Variants in PSMD14 observed in about 807,000 individuals in gnomAD.
The protein encoded by PSMD14 is ubiquitin C-terminal hydrolase PSMD14.
In PSMD14, 7 loss-of-function variants were observed where a neutral mutation model predicts 41.2. The observed-to-expected ratio is 0.17, with a 90% CI of 0.10 to 0.32. The LOEUF is 0.32. Among genes scored for constraint, PSMD14 ranks in the 10% least tolerant of loss-of-function variants. PSMD14 has a pLI of 1.00. For missense variants in PSMD14, 139 were observed against 375.6 expected (o/e 0.37, Z 5.21); for synonymous variants, 114 against 122.3 (o/e 0.93, Z 0.45).
intron 1 of PSMD14, among the ~76,000 whole-genome samples, chr2:161,310,208 A>G (rs777382894): frequency 6.6e-6 from 1 of 152,200 alleles, no homozygotes; most frequent in Non-Finnish European, 1.5e-5. Context: ...TCTTATTTTC[A>G]TACTGGCCAT....
chr2:161,371,413 C>A, intron 7 of PSMD14, 91 bp downstream of exon 7: 1 of 1,296,028 alleles, frequency 7.7e-7, no homozygotes, highest in South Asian at 1.7e-5. Context: ...AAGCAGGATT[C>A]TTAATTACAC....
intron 7 of PSMD14, among the ~76,000 whole-genome samples, chr2:161,378,712 A>G (rs1237882515): frequency 6.6e-6 from 1 of 151,964 alleles, no homozygotes; most frequent in Non-Finnish European, 1.5e-5. Context: ...GGCATGCTGT[A>G]TAGGTACAGA....
At chr2:161,327,674 G>A (rs1432526619) in intron 3 of PSMD14, among the ~76,000 whole-genome samples, 3 of 151,962 alleles carry the variant, frequency 2.0e-5, no homozygotes, top group African/African-American at 4.8e-5. Flanking sequence ...TATAAGACAA[G>A]CAAAGATGAA....
rs368998914 is a variant in PSMD14, at chr2:161,358,828, C to G, written c.49-8650C>G. Among the ~76,000 whole-genome samples, 66 of 152,264 alleles carry G rather than the reference C, an allele frequency of 4.3e-4. 3 individuals are homozygous for G. The South Asian group carries it at 5.6e-3, about 13-fold the overall frequency. ...TGGTGGCATGTACCTGTAATCCCAG[C>G]TACTTGGGAGGCTGAGGCAAGAGAG... is the stretch of plus-strand genomic sequence containing the variant. On this transcript the variant is annotated intron_variant, in intron 3 of 11. Transcript: ENST00000409682.
At chr2:161,385,429 T>A (rs763007396) in intron 7 of PSMD14, 35 bp from the exon 8 acceptor site, 9 of 1,371,176 alleles carry the variant, frequency 6.6e-6, no homozygotes, top group Admixed American at 1.8e-5. Flanking sequence ...ACTTGCTTTT[T>A]AAAAAAAAAT....
At chr2:161,331,282 A>C (rs937261934) in intron 3 of PSMD14, among the ~76,000 whole-genome samples, 4 of 150,188 alleles carry the variant, frequency 2.7e-5, no homozygotes, top group African/African-American at 9.8e-5. Context: ...TTTATTTTTA[A>C]GACGGAGTCT....
At chr2:161,398,395 G>A (rs1398908701) in intron 10 of PSMD14, among the ~76,000 whole-genome samples, 1 of 151,958 alleles carries the variant, frequency 6.6e-6, no homozygotes, top group Non-Finnish European at 1.5e-5. Flanking sequence ...TACGTCCCAA[G>A]TTTTCAGTTT....
intron 7 of PSMD14, among the ~76,000 whole-genome samples, chr2:161,378,990 GT>G (rs1683539247): frequency 6.6e-6 from 1 of 151,946 alleles, no homozygotes; most frequent in South Asian, 2.1e-4. Flanking sequence ...GATATACTTT[GT>G]ATTTTTGTTT....
intron 3 of PSMD14, among the ~76,000 whole-genome samples, chr2:161,359,438 T>A (rs559306995): frequency 6.6e-6 from 1 of 152,354 alleles, no homozygotes; most frequent in South Asian, 2.1e-4. Context: ...AAGTCTCAAA[T>A]GCTTTGTGTA....
At position 161,391,630 on chromosome 2, in the gene PSMD14, C is replaced by T. The variant is rs570696000; in HGVS notation, c.645+452C>T. The stretch of plus-strand genomic sequence containing the variant: ...AAGAGATAGTAGGGTCTTGCTCTGT[C>T]TCCCAGACTAGAGTGCAATGGTGTG... On this transcript the variant is annotated intron_variant, in intron 9 of 11. Coordinates refer to ENST00000409682, the MANE Select transcript of PSMD14 (RefSeq NM_005805.6). Among the ~76,000 whole-genome samples, 178 of 152,212 alleles carry T rather than the reference C, an allele frequency of 1.2e-3. 1 individual carries two copies. Among genetic ancestry groups the T allele is most frequent in the South Asian group, 0.012 (56 of 4,824 alleles).
At chr2:161,336,608 C>T (rs927176167) in intron 3 of PSMD14, among the ~76,000 whole-genome samples, 41 of 152,244 alleles carry the variant, frequency 2.7e-4, no homozygotes, top group Non-Finnish European at 2.1e-4. Flanking sequence ...CGGAATCTTG[C>T]TCTGTTGCCC....
At chr2:161,403,320 T>A (rs770919923) in intron 10 of PSMD14, among the ~76,000 whole-genome samples, 2 of 152,098 alleles carry the variant, frequency 1.3e-5, no homozygotes, top group Non-Finnish European at 2.9e-5. Flanking sequence ...ATTCAATTTA[T>A]ATGAAAAAAA....
intron 3 of PSMD14, among the ~76,000 whole-genome samples, chr2:161,347,940 T>G (rs999777445): frequency 2.0e-5 from 3 of 152,240 alleles, no homozygotes; most frequent in Admixed American, 6.5e-5. Flanking sequence ...TGGGAAAGTT[T>G]TATCTAACAT....
At chr2:161,309,956 C>T (rs1481642639) in intron 1 of PSMD14, among the ~76,000 whole-genome samples, 7 of 151,852 alleles carry the variant, frequency 4.6e-5, no homozygotes, top group Non-Finnish European at 1.0e-4. Flanking sequence ...CCAGCCTGGC[C>T]AAGACTAGCC....
intron 2 of PSMD14, among the ~76,000 whole-genome samples, chr2:161,317,990 A>G: frequency 6.6e-6 from 1 of 152,200 alleles, no homozygotes; most frequent in East Asian, 1.9e-4. Context: ...CCATATAAGT[A>G]CACTTGATAT....
intron 10 of PSMD14, among the ~76,000 whole-genome samples, chr2:161,402,597 T>C (rs1683895108): frequency 6.6e-6 from 1 of 151,810 alleles, no homozygotes; most frequent in Non-Finnish European, 1.5e-5. Context: ...ACCGTGATCA[T>C]ACCACTGTAC....
chr2:161,321,444 T>G (rs1682596685), intron 3 of PSMD14, among the ~76,000 whole-genome samples: 1 of 152,202 alleles, frequency 6.6e-6, no homozygotes, highest in Non-Finnish European at 1.5e-5. Context: ...TTTTTTTATA[T>G]CAGTGTCCAA....
intron 3 of PSMD14, among the ~76,000 whole-genome samples, chr2:161,356,706 C>G (rs1683204003): frequency 6.7e-6 from 1 of 149,702 alleles, no homozygotes; most frequent in Admixed American, 6.6e-5. Context: ...TAAATATGCA[C>G]TTTTAAATAG....
chr2:161,405,593 G>C (rs1424592970), intron 10 of PSMD14, among the ~76,000 whole-genome samples: 1 of 152,030 alleles, frequency 6.6e-6, no homozygotes, highest in African/African-American at 2.4e-5. Flanking sequence ...GATGGTAGTA[G>C]AAAAACTAGT....
Sources: allele counts gnomAD v4.1 joint callset (sites outside exome capture counted in the v4.1 genomes callset), GRCh38; gene constraint gnomAD v4.1.1; transcripts MANE v1.5; gene names NCBI Gene and HGNC (gene_info 2026-07-23, HGNC 2026-07-21).